Variants in ALG9 observed in about 807,000 individuals in gnomAD.
ALG9 encodes alpha-1,2-mannosyltransferase ALG9.
In ALG9, 55 loss-of-function variants were observed where a neutral mutation model predicts 81.8. The observed-to-expected ratio is 0.67, with a 90% CI of 0.54 to 0.84. ALG9 has a LOEUF of 0.84. Ranked by LOEUF, ALG9 falls within the 40% of genes least tolerant of loss-of-function variation. The pLI is 0.00. For synonymous variants in ALG9, 278 were observed against 274.3 expected (o/e 1.01, Z -0.13); for missense variants, 629 against 745.0 (o/e 0.84, Z 1.81).
intron 2 of ALG9, among the ~76,000 whole-genome samples, chr11:111,869,110 T>C (rs1432565327): frequency 2.0e-5 from 3 of 152,164 alleles, no homozygotes; most frequent in Admixed American, 6.6e-5. Flanking sequence ...CGATCTGCAA[T>C]TGATGGATAA....
intron 6 of ALG9, among the ~76,000 whole-genome samples, chr11:111,855,094 T>C (rs1958448329): frequency 6.6e-6 from 1 of 152,222 alleles, no homozygotes; most frequent in Non-Finnish European, 1.5e-5. Context: ...CTTTCTGTGT[T>C]ATCTTTGAGT....
chr11:111,831,230 G>A (rs1391764447), intron 13 of ALG9, among the ~76,000 whole-genome samples: 3 of 151,928 alleles, frequency 2.0e-5, no homozygotes, highest in Non-Finnish European at 4.4e-5. Flanking sequence ...TAGTAGAGAC[G>A]GGGTTTCACC....
the ALG9 span, among the ~76,000 whole-genome samples, chr11:111,776,165 AAAAT>A: frequency 6.6e-6 from 1 of 152,152 alleles, no homozygotes; most frequent in Admixed American, 6.6e-5. Flanking sequence ...GGCTCACTGC[AAAAT>A]AAATAAATAA....
chr11:111,794,855 G>A (rs1392569164), intron 14 of ALG9, among the ~76,000 whole-genome samples: 1 of 152,192 alleles, frequency 6.6e-6, no homozygotes, highest in African/African-American at 2.4e-5. Context: ...GGCTTTTGCA[G>A]CTATCTTCAG....
At chr11:111,774,333 A>G in the ALG9 span, among the ~76,000 whole-genome samples, 6 of 152,252 alleles carry the variant, frequency 3.9e-5, no homozygotes, top group South Asian at 1.2e-3. Flanking sequence ...CCGAGATTGC[A>G]CCATTGCACT....
intron 13 of ALG9, among the ~76,000 whole-genome samples, chr11:111,820,076 C>T (rs1010802473): frequency 2.0e-5 from 3 of 152,184 alleles, no homozygotes; most frequent in Admixed American, 1.3e-4. Flanking sequence ...ATCTACTAAA[C>T]AAAATCAAGG....
the ALG9 span, chr11:111,768,827 T>TTGTGTGTGTGTGTGAG: frequency 1.0e-5 from 1 of 97,358 alleles, no homozygotes; most frequent in African/African-American, 4.7e-5. Flanking sequence ...ACATCCAGCT[T>TTGTGTGTGTGTGTGAG]CGTGTGTGTG....
chr11:111,816,403 G>A (rs1951481920), intron 13 of ALG9, among the ~76,000 whole-genome samples: 1 of 151,986 alleles, frequency 6.6e-6, no homozygotes. Context: ...TGCGCCACCA[G>A]GCCTAGTTAA....
At chr11:111,792,993 T>C (rs1026407251) in intron 14 of ALG9, among the ~76,000 whole-genome samples, 1 of 152,210 alleles carries the variant, frequency 6.6e-6, no homozygotes. Flanking sequence ...AATTTCTTTT[T>C]TTTCTTTTGA....
intron 14 of ALG9, among the ~76,000 whole-genome samples, chr11:111,799,420 C>T (rs559746606): frequency 3.9e-4 from 59 of 151,374 alleles, no homozygotes; most frequent in Admixed American, 5.9e-4. Flanking sequence ...GGATTACAGG[C>T]ATGAGCCACC....
intron 13 of ALG9, among the ~76,000 whole-genome samples, chr11:111,815,427 C>T (rs537539703): frequency 2.0e-5 from 3 of 152,010 alleles, no homozygotes; most frequent in South Asian, 4.2e-4. Flanking sequence ...AGAAAGACAC[C>T]GAAGCAAAAT....
Position 111,844,644 on chromosome 11 carries a change from T to G in ALG9, c.975A>C (p.Leu325=). The change falls in exon 9 of 15, where the codon CTA becomes CTC. Residue 325 remains leucine, a synonymous_variant. Coordinates refer to ENST00000616540, the MANE Select transcript of ALG9 (RefSeq NM_024740.2). The part of the protein sequence containing the change: ...NVAFALALLV[L]PLTSLMEYLL... ...GGTATTCCATAAGAGAAGTCAGTGG[T>G]AGGACTAGGAGAGCCAAAGCAAAGG... The G allele has an allele frequency of 6.2e-7, 1 of 1,614,122 alleles. No individual in the cohort carries two copies. Among genetic ancestry groups the G allele is most frequent in the Non-Finnish European group, 8.5e-7 (1 of 1,180,010 alleles).
chr11:111,828,216 T>C (rs145074545), intron 13 of ALG9, among the ~76,000 whole-genome samples: 1 of 152,266 alleles, frequency 6.6e-6, no homozygotes, highest in East Asian at 1.9e-4. Flanking sequence ...TGAACATGGT[T>C]GTGCTGATAA....
At position 111,786,324 on chromosome 11, in the gene ALG9, G is replaced by A. The variant is rs1411992981; in HGVS notation, c.*73C>T. 6.9e-6 allele frequency: 11 copies of A among 1,602,964 alleles called. No homozygotes were observed. The highest frequency in any genetic ancestry group is 3.3e-5 in the Admixed American group (2 of 59,886). On this transcript the variant is annotated 3_prime_UTR_variant, in exon 15 of 15. Transcript: ENST00000616540. Reference sequence around the variant, plus strand: ...CTTTATTACAAATGTTACAGGCGATGACTTGCAGGGAGTCAGGTCACTGGA... The same window carrying A: ...CTTTATTACAAATGTTACAGGCGATAACTTGCAGGGAGTCAGGTCACTGGA...
intron 10 of ALG9, 33 bp from the exon 11 acceptor site, chr11:111,838,432 C>T (rs1955684747): frequency 1.3e-6 from 2 of 1,563,902 alleles, no homozygotes. Context: ...GTAGAATATA[C>T]ATAATTACAA....
At position 111,783,702 on chromosome 11, in the gene ALG9, C is replaced by T. The variant is rs1297407484; in HGVS notation, c.*2695G>A. 1.3e-5 allele frequency: 2 copies of T among 152,080 alleles called. No individual in the cohort carries two copies. The highest frequency in any genetic ancestry group is 4.8e-5 in the African/African-American group (2 of 41,414). 9.4% of individuals were successfully genotyped at this position (152,080 alleles called of 1,614,324 possible). On this transcript the variant is annotated 3_prime_UTR_variant, in exon 15 of 15. Transcript: ENST00000616540. The stretch of plus-strand genomic sequence containing the variant: ...TTTAAAATGTGTTTATAAAATATCA[C>T]ATGAAAACACCTTCACAACAAAAAA...
intron 14 of ALG9, among the ~76,000 whole-genome samples, chr11:111,804,575 A>G (rs1949650190): frequency 6.6e-6 from 1 of 152,204 alleles, no homozygotes. Flanking sequence ...TGGGTGACAG[A>G]GCGAGACCCT....
intron 8 of ALG9, among the ~76,000 whole-genome samples, chr11:111,850,723 A>AAAAC (rs1555137074): frequency 6.6e-6 from 1 of 150,832 alleles, no homozygotes; most frequent in Admixed American, 6.6e-5. Context: ...AAAAAAAAAA[A>AAAAC]ATCAGACAAA....
chr11:111,783,936 A>C lies in ALG9; in HGVS notation c.*2461T>G, dbSNP rs1422392435. 3 of 140,600 alleles carry C rather than the reference A, an allele frequency of 2.1e-5. No homozygotes were observed. The highest frequency in any genetic ancestry group is 7.6e-5 in the Admixed American group (1 of 13,180). 8.7% of individuals were successfully genotyped at this position (140,600 alleles called of 1,614,324 possible). The stretch of plus-strand genomic sequence containing the variant: ...GGTTTTGTTTTTTTAAAAAAAAAAA[A>C]AAACAAGATGACAAAACAGATAAAA... On this transcript the variant is annotated 3_prime_UTR_variant, in exon 15 of 15. Transcript: ENST00000616540.
Sources: gnomAD v4.1 joint callset for allele counts (sites outside exome capture counted in the v4.1 genomes callset) on GRCh38, gnomAD v4.1.1 for gene constraint, MANE v1.5 for transcripts, NCBI Gene and HGNC (gene_info 2026-07-23, HGNC 2026-07-21) for gene names.